The following KCNQ5 variants were observed in gnomAD, a reference collection of about 807,000 sequenced individuals.
KCNQ5 encodes the protein potassium voltage-gated channel subfamily KQT member 5.
Under a neutral mutation model 98.2 loss-of-function variants are expected in KCNQ5, and 30 were observed. That is an observed-to-expected ratio of 0.31 (90% CI 0.23 to 0.41). The LOEUF (loss-of-function observed/expected upper bound fraction) is 0.41. Ranked by LOEUF, KCNQ5 falls within the 10% of genes least tolerant of loss-of-function variation. The pLI is 1.00. For synonymous variants in KCNQ5, 458 were observed against 449.4 expected (o/e 1.02, Z -0.24); for missense variants, 835 against 1,182.5 (o/e 0.71, Z 4.31).
At chr6:72,926,088 C>A (rs1765406121) in intron 1 of KCNQ5, among the ~76,000 whole-genome samples, 1 of 152,124 alleles carries the variant, frequency 6.6e-6, no homozygotes, top group Non-Finnish European at 1.5e-5. Context: ...CAGAATTGTT[C>A]TCCTCAACTG....
At chr6:73,099,654 C>T (rs993657622) in intron 5 of KCNQ5, among the ~76,000 whole-genome samples, 3 of 151,918 alleles carry the variant, frequency 2.0e-5, no homozygotes, top group Non-Finnish European at 2.9e-5. Flanking sequence ...TATATGCACC[C>T]AACACTGGAG....
chr6:73,160,237 C>T (rs986376947), intron 10 of KCNQ5, among the ~76,000 whole-genome samples: 82 of 152,034 alleles, frequency 5.4e-4, no homozygotes, highest in African/African-American at 1.8e-3. Context: ...AGGATGGTCT[C>T]GATCTCCTGA....
rs1483572140 is a variant in KCNQ5, at chr6:72,978,806, T to A, written c.399-25102T>A. Among the ~76,000 whole-genome samples, 23 of 152,214 alleles carry A rather than the reference T, an allele frequency of 1.5e-4. No homozygotes were observed. In the East Asian group the frequency reaches 3.8e-3, roughly 25 times the overall value. ...ACTCGTCATTTACATTACATATTTC[T>A]CCTAATGCTATCCCTCCCCCATCCC... On this transcript the variant is annotated intron_variant, in intron 1 of 13. Transcript: ENST00000370398.
intron 1 of KCNQ5, among the ~76,000 whole-genome samples, chr6:72,672,306 C>T (rs558204871): frequency 1.3e-5 from 2 of 152,138 alleles, no homozygotes; most frequent in Non-Finnish European, 2.9e-5. Context: ...CCATGTTGGG[C>T]AGACTTGTCT....
chr6:72,655,739 C>G (rs1414974813), intron 1 of KCNQ5, among the ~76,000 whole-genome samples: 1 of 152,026 alleles, frequency 6.6e-6, no homozygotes, highest in Non-Finnish European at 1.5e-5. Context: ...ATTCAATAGG[C>G]AATGAAGAGC....
Position 73,192,682 on chromosome 6 carries a change from T to G in KCNQ5, c.1827T>G (p.Val609=), listed in dbSNP as rs765761331. The change falls in exon 13 of 14, where the codon GTT becomes GTG. Residue 609 remains valine (V), a synonymous_variant. Coordinates refer to ENST00000370398, the MANE Select transcript of KCNQ5 (RefSeq NM_019842.4). ...DLSMLGRVVK[V]EKQVQSIESK... is the part of the protein sequence containing the mutation. ...GTATGCTCGGTCGGGTGGTCAAGGTTGAAAAACAGGTACAACTCAACTACG... is the reference window on the plus strand; with the variant it reads ...GTATGCTCGGTCGGGTGGTCAAGGTGGAAAAACAGGTACAACTCAACTACG... The G allele has an allele frequency of 2.5e-6, 4 of 1,586,202 alleles. No homozygotes were observed. Among genetic ancestry groups the G allele is most frequent in the Non-Finnish European group, 3.4e-6 (4 of 1,167,696 alleles).
At chr6:72,738,931 T>A (rs1298094019) in intron 1 of KCNQ5, among the ~76,000 whole-genome samples, 2 of 152,112 alleles carry the variant, frequency 1.3e-5, no homozygotes, top group Admixed American at 1.3e-4. Context: ...CCCGGAGGAT[T>A]TTTAGGGCAA....
At chr6:72,967,392 C>A (rs538304574) in intron 1 of KCNQ5, among the ~76,000 whole-genome samples, 2 of 151,946 alleles carry the variant, frequency 1.3e-5, no homozygotes, top group African/African-American at 4.8e-5. Context: ...AAAAATATCC[C>A]TTTATTTAAT....
At chr6:72,707,351 T>C (rs1238300869) in intron 1 of KCNQ5, among the ~76,000 whole-genome samples, 1 of 152,180 alleles carries the variant, frequency 6.6e-6, no homozygotes, top group Non-Finnish European at 1.5e-5. Context: ...AATAGGGATG[T>C]TCTGTATGTG....
At chr6:73,170,178 T>G (rs553619691) in intron 11 of KCNQ5, among the ~76,000 whole-genome samples, 2 of 152,322 alleles carry the variant, frequency 1.3e-5, no homozygotes, top group East Asian at 1.9e-4. Flanking sequence ...TTAATTATTT[T>G]TATGACTTGC....
At chr6:72,967,832 A>G (rs1215472623) in intron 1 of KCNQ5, 1 of 154,428 alleles carries the variant, frequency 6.5e-6, no homozygotes, top group East Asian at 1.9e-4. Context: ...TCTGGCCTCA[A>G]GAGATCCCTA....
chr6:72,628,669 G>C (rs939932719), intron 1 of KCNQ5, among the ~76,000 whole-genome samples: 1 of 152,134 alleles, frequency 6.6e-6, no homozygotes, highest in Non-Finnish European at 1.5e-5. Context: ...GAGTGCAGTG[G>C]TGTGATCTCA....
intron 1 of KCNQ5, among the ~76,000 whole-genome samples, chr6:72,873,861 C>T (rs980872581): frequency 1.3e-5 from 2 of 151,750 alleles, no homozygotes; most frequent in African/African-American, 2.4e-5. Context: ...TGCATATAAA[C>T]GTATATCTTT....
chr6:72,745,437 G>C (rs1771337777), intron 1 of KCNQ5, among the ~76,000 whole-genome samples: 2 of 152,172 alleles, frequency 1.3e-5, no homozygotes, highest in Non-Finnish European at 2.9e-5. Context: ...AATCATTCAG[G>C]ATTGTCAGTA....
chr6:73,048,218 GTCTT>G (rs975797722), intron 3 of KCNQ5, among the ~76,000 whole-genome samples: 8 of 152,232 alleles, frequency 5.3e-5, no homozygotes, highest in Non-Finnish European at 8.8e-5. Context: ...GTCTGAGAAA[GTCTT>G]TCTAAGTAGT....
chr6:72,904,988 C>T (rs1272889903), intron 1 of KCNQ5, among the ~76,000 whole-genome samples: 1 of 152,060 alleles, frequency 6.6e-6, no homozygotes, highest in African/African-American at 2.4e-5. Context: ...TTAGATTTAT[C>T]TTCTCCCTCA....
At chr6:72,803,254 T>C (rs968736875) in intron 1 of KCNQ5, among the ~76,000 whole-genome samples, 3 of 152,194 alleles carry the variant, frequency 2.0e-5, no homozygotes, top group African/African-American at 7.2e-5. Flanking sequence ...CTCACCATTT[T>C]AATTTTTGCA....
intron 10 of KCNQ5, among the ~76,000 whole-genome samples, chr6:73,149,806 A>AAGAG (rs202152420): frequency 9.0e-5 from 13 of 144,232 alleles, no homozygotes; most frequent in African/African-American, 2.8e-4. Context: ...AAAAAAAAAA[A>AAGAG]AGAGAGAGAG....
At chr6:72,844,023 G>C (rs1248490046) in intron 1 of KCNQ5, among the ~76,000 whole-genome samples, 3 of 152,118 alleles carry the variant, frequency 2.0e-5, no homozygotes, top group Non-Finnish European at 2.9e-5. Context: ...GGGGGCTATG[G>C]GAAGGATAGC....
Sources: gnomAD v4.1 joint callset for allele counts (sites outside exome capture counted in the v4.1 genomes callset) on GRCh38, gnomAD v4.1.1 for gene constraint, MANE v1.5 for transcripts, NCBI Gene and HGNC (gene_info 2026-07-23, HGNC 2026-07-21) for gene names.